BCAS3: variants seen among roughly 807,000 people sequenced by gnomAD.
The protein encoded by BCAS3 is BCAS4/BCAS3 fusion.
In BCAS3, 53 loss-of-function variants were observed where a neutral mutation model predicts 116.1. That is an observed-to-expected ratio of 0.46 (90% CI 0.37 to 0.57). The LOEUF (loss-of-function observed/expected upper bound fraction) is 0.57. BCAS3 is among the 20% of genes least tolerant of loss of function. BCAS3 has a pLI of 0.00. For synonymous variants in BCAS3, 391 were observed against 408.2 expected, an observed-to-expected ratio of 0.96 and a Z score of 0.51; for missense variants, 917 against 1,165.4, an observed-to-expected ratio of 0.79 and a Z score of 3.10.
At chr17:60,867,663 T>TGC (rs1458894712) in intron 7 of BCAS3, among the ~76,000 whole-genome samples, 4 of 152,312 alleles carry the variant, frequency 2.6e-5, no homozygotes, top group South Asian at 2.1e-4. Context: ...TGTGTGTGTG[T>TGC]GCACAGATGA....
Position 61,343,051 on chromosome 17 carries a change from C to T in BCAS3, c.2426-25276C>T, listed in dbSNP as rs1026468266. On this transcript the variant is annotated intron_variant, in intron 22 of 23. Coordinates refer to ENST00000407086, the MANE Select transcript of BCAS3 (RefSeq NM_017679.5). The surrounding 1 kb of genome is among the most constrained non-coding windows in gnomAD (Gnocchi z 5.5). ...ACAGGCGTGAGCCACTGAGCCCAGC[C>T]GAGATTTTCTTTTAAAGGAAGGTGA... 2.0e-5 allele frequency among the ~76,000 whole-genome samples: 3 copies of T among 152,144 alleles called. No individual in the cohort carries two copies. The highest frequency in any genetic ancestry group is 4.8e-5 in the African/African-American group (2 of 41,434).
intron 7 of BCAS3, among the ~76,000 whole-genome samples, chr17:60,844,351 G>T (rs2052293525): frequency 6.6e-6 from 1 of 152,084 alleles, no homozygotes; most frequent in Non-Finnish European, 1.5e-5. Context: ...TGAGATTGAG[G>T]CCTAATTTTG....
chr17:61,048,383 C>A (rs891359648), intron 19 of BCAS3, among the ~76,000 whole-genome samples: 1 of 151,982 alleles, frequency 6.6e-6, no homozygotes, highest in Admixed American at 6.6e-5. Context: ...ATGAGACAAG[C>A]CCTGCACTTG....
intron 14 of BCAS3, among the ~76,000 whole-genome samples, chr17:60,957,657 A>G (rs2061208967): frequency 1.3e-5 from 2 of 152,296 alleles, no homozygotes; most frequent in East Asian, 3.9e-4. Context: ...TAAACCACTT[A>G]TCCATTAGCA....
intron 7 of BCAS3, among the ~76,000 whole-genome samples, chr17:60,817,620 C>G (rs1337948245): frequency 1.3e-5 from 2 of 152,124 alleles, no homozygotes; most frequent in African/African-American, 4.8e-5. Context: ...TCCAGAGGCT[C>G]CCATCACGCA....
intron 22 of BCAS3, among the ~76,000 whole-genome samples, chr17:61,336,818 C>T (rs1188880780): frequency 2.0e-5 from 3 of 152,188 alleles, no homozygotes; most frequent in Non-Finnish European, 2.9e-5. Flanking sequence ...AGCAGCAGAA[C>T]TTTATCCTTT....
At chr17:61,254,953 T>C (rs557778400) in intron 22 of BCAS3, among the ~76,000 whole-genome samples, 1 of 152,092 alleles carries the variant, frequency 6.6e-6, no homozygotes, top group Non-Finnish European at 1.5e-5. Context: ...CCTTTTAAAT[T>C]TTTAAAATTC....
rs2063639323 is a variant in BCAS3 at position 60,993,195 on chromosome 17, A to G, written c.1486+2960A>G. 6.6e-6 allele frequency among the ~76,000 whole-genome samples: 1 copy of G among 152,220 alleles called. No individual in the cohort carries two copies. Among genetic ancestry groups the G allele is most frequent in the South Asian group, 2.1e-4 (1 of 4,836 alleles). On this transcript the variant is annotated intron_variant, in intron 15 of 23. Coordinates refer to ENST00000407086, the MANE Select transcript of BCAS3 (RefSeq NM_017679.5). This position sits in a 1 kb window ranked among gnomAD's most constrained non-coding sequence, Gnocchi z 4.2. ...TTCCACGGGAAAAGACAGATATTAA[A>G]TGACTGTGAACAAATACCTTTCAAT...
At chr17:60,810,652 G>T in intron 7 of BCAS3, 1 of 676,864 alleles carries the variant, frequency 1.5e-6, no homozygotes, top group Non-Finnish European at 2.8e-6. Context: ...TGCTGCTGAT[G>T]ACTTTAGAGT....
intron 13 of BCAS3, among the ~76,000 whole-genome samples, chr17:60,937,965 C>T (rs2060021375): frequency 6.6e-6 from 1 of 152,146 alleles, no homozygotes; most frequent in Middle Eastern, 3.2e-3. Context: ...ATAATATACA[C>T]CAGAAACTAA....
chr17:61,159,377 TGAA>T (rs1427867505), intron 22 of BCAS3: 1 of 152,116 alleles, frequency 6.6e-6, no homozygotes, highest in Non-Finnish European at 1.5e-5. Flanking sequence ...GTGAGTGAAA[TGAA>T]GAAGAAACTT....
At chr17:60,752,314 A>G (rs1413000411) in intron 6 of BCAS3, among the ~76,000 whole-genome samples, 1 of 151,978 alleles carries the variant, frequency 6.6e-6, no homozygotes, top group African/African-American at 2.4e-5. Context: ...GTTTTTTCCC[A>G]GTTGGTTATG....
At chr17:60,684,701 G>A (rs1336129005) in intron 3 of BCAS3, among the ~76,000 whole-genome samples, 3 of 152,080 alleles carry the variant, frequency 2.0e-5, no homozygotes, top group Non-Finnish European at 2.9e-5. Context: ...AATCTCAGGT[G>A]ATTCTTATGA....
chr17:60,856,096 A>C (rs2053649513), intron 7 of BCAS3, among the ~76,000 whole-genome samples: 1 of 152,220 alleles, frequency 6.6e-6, no homozygotes, highest in African/African-American at 2.4e-5. Context: ...GTCCGAGGTC[A>C]GCTGAACGTA....
intron 5 of BCAS3, among the ~76,000 whole-genome samples, chr17:60,710,715 G>A (rs541062062): frequency 3.8e-4 from 57 of 151,784 alleles, no homozygotes; most frequent in South Asian, 1.5e-3. Flanking sequence ...ACAGGTGTGA[G>A]CCACCATGCC....
chr17:60,788,704 A>C (rs1052113378), intron 6 of BCAS3, among the ~76,000 whole-genome samples: 2 of 151,762 alleles, frequency 1.3e-5, no homozygotes, highest in Non-Finnish European at 1.5e-5. Flanking sequence ...TCTTTATCTC[A>C]TCTTCCACTT....
chr17:61,355,873 G>T lies in BCAS3; in HGVS notation c.2426-12454G>T, dbSNP rs1010168175. 2.0e-5 allele frequency among the ~76,000 whole-genome samples: 3 copies of T among 152,218 alleles called. No homozygotes were observed. Among genetic ancestry groups the T allele is most frequent in the African/African-American group, 7.2e-5 (3 of 41,460 alleles). ...CCATTGAAGGAATTGCTAGGTTTCCGAGGATAGTTTGTCTTGCAGTGTATT... is the reference window on the plus strand; with the variant it reads ...CCATTGAAGGAATTGCTAGGTTTCCTAGGATAGTTTGTCTTGCAGTGTATT... On this transcript the variant is annotated intron_variant, in intron 22 of 23. Coordinates refer to ENST00000407086, the MANE Select transcript of BCAS3 (RefSeq NM_017679.5). This position sits in a 1 kb window ranked among gnomAD's most constrained non-coding sequence, Gnocchi z 4.2.
At chr17:61,015,928 T>C in intron 16 of BCAS3, 27 bp downstream of exon 16, 1 of 1,600,502 alleles carries the variant, frequency 6.2e-7, no homozygotes, top group Non-Finnish European at 8.5e-7. Context: ...GATGCTTTTT[T>C]AACAGCTGTT....
rs1366502993 is a variant in BCAS3, at chr17:61,379,357, G to C, written c.2593+10863G>C. On this transcript the variant is annotated intron_variant, in intron 23 of 23. Coordinates refer to ENST00000407086, the MANE Select transcript of BCAS3 (RefSeq NM_017679.5). The surrounding 1 kb of genome is among the most constrained non-coding windows in gnomAD (Gnocchi z 5.5). ...GATGTGGAGGCCACCCCCTGGATGTGGTGGCTGCTGAGAGAGGGAGACACA... is the reference window on the plus strand; with the variant it reads ...GATGTGGAGGCCACCCCCTGGATGTCGTGGCTGCTGAGAGAGGGAGACACA... 6.6e-6 allele frequency: 1 copy of C among 152,156 alleles called. No individual in the cohort carries two copies. The highest frequency in any genetic ancestry group is 1.5e-5 in the Non-Finnish European group (1 of 68,052). 9.4% of individuals were successfully genotyped at this position (152,156 alleles called of 1,614,324 possible). A position where few individuals can be genotyped will look rare whatever the true frequency, so the allele number is the denominator to read the frequency against.
Sources: gnomAD v4.1 joint callset for allele counts (sites outside exome capture counted in the v4.1 genomes callset) on GRCh38, gnomAD v4.1.1 for gene constraint, Gnocchi (gnomAD v3.1) non-coding constraint, MANE v1.5 for transcripts, NCBI Gene and HGNC (gene_info 2026-07-23, HGNC 2026-07-21) for gene names.